PRKDC: variants seen among roughly 807,000 people sequenced by gnomAD.
The protein encoded by PRKDC is protein kinase, DNA-activated, catalytic subunit.
PRKDC carries 82 observed loss-of-function variants against 486.9 expected under a neutral mutation model. The observed-to-expected ratio is 0.17, with a 90% CI of 0.14 to 0.20. PRKDC has a LOEUF of 0.20. Among genes scored for constraint, PRKDC ranks in the 10% least tolerant of loss-of-function variants. The probability of loss-of-function intolerance (pLI) is 1.00; values close to 1 mark genes in which losing one functional copy is unlikely to be tolerated. For synonymous variants in PRKDC, 1,895 were observed against 1,837.0 expected (o/e 1.03, Z -0.81); for missense variants, 4,504 against 5,038.2 (o/e 0.89, Z 3.21).
At chr8:47,944,601 A>G (rs1177929457) in intron 7 of PRKDC, among the ~76,000 whole-genome samples, 1 of 152,242 alleles carries the variant, frequency 6.6e-6, no homozygotes, top group Non-Finnish European at 1.5e-5. Context: ...AAAAGGGAAG[A>G]TAAAACAGGC....
At chr8:47,818,355 G>C (rs904354560) in intron 67 of PRKDC, among the ~76,000 whole-genome samples, 8 of 151,844 alleles carry the variant, frequency 5.3e-5, no homozygotes, top group African/African-American at 1.9e-4. Flanking sequence ...CGAGGCGGGC[G>C]GATCACGAGG....
chr8:47,782,525 A>G lies in PRKDC; in HGVS notation c.11249T>C (p.Phe3750Ser), dbSNP rs1362105357. The G allele has an allele frequency of 6.3e-7, 1 of 1,576,756 alleles. No homozygotes were observed. Among genetic ancestry groups the G allele is most frequent in the Non-Finnish European group, 8.6e-7 (1 of 1,161,620 alleles). The change falls in exon 79 of 86, where the codon TTC becomes TCC. Residue 3750 changes from phenylalanine to serine, a missense_variant. By Grantham distance (155) the Phe-to-Ser change is radical (BLOSUM62 -2). This residue lies in a region of PRKDC where 706 missense variants were observed against 945.0 expected (regional missense o/e 0.75). Coordinates refer to ENST00000314191, the MANE Select transcript of PRKDC (RefSeq NM_006904.7). The surrounding 1 kb of genome is among the most constrained non-coding windows in gnomAD (Gnocchi z 4.9). ...IRGHDEREHP[F>S]LVKGGEDLRQ... ...CAGGTCCTCGCCACCCTTCACCAGG[A>G]AAGGGTGTTCCCTCTCGTCATGGCC...
intron 54 of PRKDC, among the ~76,000 whole-genome samples, chr8:47,841,036 T>C (rs1335843413): frequency 6.6e-6 from 1 of 152,188 alleles, no homozygotes; most frequent in African/African-American, 2.4e-5. Flanking sequence ...CTGGGAAGCC[T>C]GCACAGTCTC....
chr8:47,888,885 C>T, intron 33 of PRKDC, 129 bp downstream of exon 33: 2 of 1,100,730 alleles, frequency 1.8e-6, no homozygotes, highest in Admixed American at 5.3e-5. Context: ...CTATTGAGGT[C>T]ACTGGCAGCA....
At chr8:47,818,578 C>CAAAAAAAAAAAAAAAAAA (rs1174698261) in intron 67 of PRKDC, among the ~76,000 whole-genome samples, 2 of 36,118 alleles carry the variant, frequency 5.5e-5, no homozygotes, top group Admixed American at 2.8e-4. Context: ...GACTCCGTCT[C>CAAAAAAAAAAAAAAAAAA]AAAAAAAAAA....
At chr8:47,919,476 T>C (rs2090039362) in intron 21 of PRKDC, among the ~76,000 whole-genome samples, 1 of 152,228 alleles carries the variant, frequency 6.6e-6, no homozygotes, top group East Asian at 1.9e-4. Context: ...GTTCTACAAC[T>C]ATAAAGTCAT....
intron 36 of PRKDC, among the ~76,000 whole-genome samples, chr8:47,885,432 C>T (rs1444388431): frequency 1.3e-5 from 2 of 151,934 alleles, no homozygotes; most frequent in Admixed American, 6.6e-5. Flanking sequence ...GGATTACAGG[C>T]ATGAGCCACC....
At chr8:47,944,163 T>A (rs1235762890) in intron 7 of PRKDC, 134 bp from the exon 8 acceptor site, 1 of 796,772 alleles carries the variant, frequency 1.3e-6, no homozygotes, top group Non-Finnish European at 2.1e-6. Context: ...CATCATTCCA[T>A]CCAGCTAAAG....
rs558589062 is a variant in PRKDC, at chr8:47,854,352, C to T, written c.6762-138G>A. On this transcript the variant is annotated intron_variant, in intron 50 of 85. Coordinates refer to ENST00000314191, the MANE Select transcript of PRKDC (RefSeq NM_006904.7). Reference sequence around the variant, plus strand: ...CTGGAGTGCAGTGGCGTGACTGAGACGGAGTCTTGGAGTCTCGCTTTGTCG... The same window carrying T: ...CTGGAGTGCAGTGGCGTGACTGAGATGGAGTCTTGGAGTCTCGCTTTGTCG... 6.1e-5 allele frequency: 61 copies of T among 1,005,996 alleles called. No individual in the cohort carries two copies. In the African/African-American group the frequency reaches 6.5e-4, roughly 11 times the overall value. 62.3% of individuals were successfully genotyped at this position (1,005,996 alleles called of 1,614,324 possible). A position where few individuals can be genotyped will look rare whatever the true frequency, so the allele number is the denominator to read the frequency against.
chr8:47,947,898 A>T (rs1224447006), intron 7 of PRKDC, among the ~76,000 whole-genome samples: 1 of 151,952 alleles, frequency 6.6e-6, no homozygotes, highest in Non-Finnish European at 1.5e-5. Context: ...ACAGGGCAAG[A>T]CTCAAGTCTC....
At chr8:47,829,366 T>C (rs895641213) in intron 61 of PRKDC, among the ~76,000 whole-genome samples, 5 of 152,208 alleles carry the variant, frequency 3.3e-5, no homozygotes, top group African/African-American at 4.8e-5. Flanking sequence ...TTTTTGCATA[T>C]TGTTGAAAAG....
intron 40 of PRKDC, among the ~76,000 whole-genome samples, chr8:47,869,847 C>CCCT (rs1313457151): frequency 6.6e-6 from 1 of 152,132 alleles, no homozygotes; most frequent in Non-Finnish European, 1.5e-5. Flanking sequence ...TCACCACAAG[C>CCCT]TGACTACAGA....
intron 28 of PRKDC, among the ~76,000 whole-genome samples, chr8:47,899,064 C>G (rs2089634335): frequency 6.6e-6 from 1 of 152,206 alleles, no homozygotes; most frequent in South Asian, 2.1e-4. Flanking sequence ...AGAAGTACAA[C>G]AGAGGTAAGA....
Position 47,879,571 on chromosome 8 carries a change from C to T in PRKDC, c.5155G>A (p.Val1719Ile), listed in dbSNP as rs368772805. Reference protein sequence around the residue: ...ELRRVLEQLIVAHFPMQSREF... With the variant: ...ELRRVLEQLIIAHFPMQSREF... ...CTGGACTGCATGGGGAAGTGAGCAA[C>T]GATGAGCTGCTCCAGAACACGTCTA... is the stretch of plus-strand genomic sequence containing the variant. The change falls in exon 39 of 86, where the codon GTT becomes ATT. Residue 1719 changes from valine (V) to isoleucine (I), a missense_variant. Around this residue, in one of 6 missense-constraint regions of PRKDC, gnomAD observed 1,969 missense variants for 2,068.9 expected, o/e 0.95. Transcript: ENST00000314191. 5.0e-6 allele frequency: 8 copies of T among 1,597,936 alleles called. No individual in the cohort carries two copies. Among genetic ancestry groups the T allele is most frequent in the Admixed American group, 3.5e-5 (2 of 57,564 alleles).
chr8:47,789,571 C>T (rs2086851707), intron 74 of PRKDC, among the ~76,000 whole-genome samples: 1 of 151,946 alleles, frequency 6.6e-6, no homozygotes. Context: ...CAGTATTATC[C>T]TGATACCAAA....
chr8:47,801,345 T>C (rs1272303038), intron 70 of PRKDC, among the ~76,000 whole-genome samples: 1 of 152,206 alleles, frequency 6.6e-6, no homozygotes, highest in Non-Finnish European at 1.5e-5. Flanking sequence ...GCACTGAGAT[T>C]ACAAGTGTGA....
chr8:47,900,759 G>A (rs1981442), intron 27 of PRKDC, among the ~76,000 whole-genome samples: 1 of 151,664 alleles, frequency 6.6e-6, no homozygotes, highest in African/African-American at 2.4e-5. Context: ...TGAGGCAGGA[G>A]AATGGCATGA....
intron 30 of PRKDC, 111 bp from the exon 31 acceptor site, chr8:47,893,498 C>T (rs963920997): frequency 3.0e-5 from 34 of 1,138,694 alleles, no homozygotes; most frequent in African/African-American, 2.2e-4. Flanking sequence ...CATTTTACTA[C>T]GCATTCAACT....
chr8:47,947,382 A>G (rs1055046487), intron 7 of PRKDC, among the ~76,000 whole-genome samples: 4 of 152,172 alleles, frequency 2.6e-5, no homozygotes, highest in African/African-American at 9.7e-5. Context: ...TTATTTGTTC[A>G]TCTGTCTCCT....
Sources: allele counts gnomAD v4.1 joint callset (sites outside exome capture counted in the v4.1 genomes callset), GRCh38; gene constraint gnomAD v4.1.1; regional missense constraint gnomAD v4.1.1; non-coding constraint Gnocchi (gnomAD v3.1); transcripts MANE v1.5; gene names NCBI Gene and HGNC (gene_info 2026-07-23, HGNC 2026-07-21).